PDZRN3: variants seen among roughly 807,000 people sequenced by gnomAD.
PDZRN3 encodes the protein PDZ domain containing ring finger 3.
A neutral mutation model predicts 85.7 loss-of-function variants in PDZRN3; 38 were observed. The observed-to-expected ratio is 0.44, with a 90% CI of 0.34 to 0.58. The LOEUF (loss-of-function observed/expected upper bound fraction) is 0.58, where lower values mean the gene tolerates loss of function less well. Ranked by LOEUF, PDZRN3 falls within the 20% of genes least tolerant of loss-of-function variation. The pLI is 0.01. For synonymous variants in PDZRN3, 759 were observed against 638.0 expected (o/e 1.19, Z -2.86); for missense variants, 1,629 against 1,506.4 (o/e 1.08, Z -1.35).
At chr3:73,513,743 A>G (rs758940345) in intron 3 of PDZRN3, among the ~76,000 whole-genome samples, 10 of 152,192 alleles carry the variant, frequency 6.6e-5, no homozygotes, top group Non-Finnish European at 1.2e-4. Context: ...TTACTCTCCC[A>G]CTAGACTAAA....
chr3:73,557,755 T>C (rs1701732828), intron 3 of PDZRN3, among the ~76,000 whole-genome samples: 2 of 152,218 alleles, frequency 1.3e-5, no homozygotes, highest in South Asian at 2.1e-4. Flanking sequence ...TATGTTGTTA[T>C]GATTCAAAAG....
chr3:73,408,299 A>G (rs747581673), intron 3 of PDZRN3: 2 of 688,954 alleles, frequency 2.9e-6, no homozygotes, highest in Non-Finnish European at 5.3e-6. Flanking sequence ...TTAGGGTAAT[A>G]TAAAGTTTAG....
chr3:73,551,892 T>C (rs747723398), intron 3 of PDZRN3, among the ~76,000 whole-genome samples: 2 of 152,158 alleles, frequency 1.3e-5, no homozygotes, highest in Admixed American at 1.3e-4. Flanking sequence ...GCCATTATCC[T>C]TCCCCTGTTG....
intron 3 of PDZRN3, among the ~76,000 whole-genome samples, chr3:73,471,113 G>A (rs548297061): frequency 4.6e-5 from 7 of 152,044 alleles, no homozygotes; most frequent in Admixed American, 6.5e-5. Flanking sequence ...GGTCATTAAG[G>A]GTTGGCCCTA....
At chr3:73,494,061 G>C (rs946450563) in intron 3 of PDZRN3, among the ~76,000 whole-genome samples, 6 of 152,146 alleles carry the variant, frequency 3.9e-5, no homozygotes, top group African/African-American at 1.4e-4. Flanking sequence ...CATTGCTTTA[G>C]CCAATGAATT....
At chr3:73,592,557 G>A (rs1020514652) in intron 3 of PDZRN3, among the ~76,000 whole-genome samples, 3 of 152,112 alleles carry the variant, frequency 2.0e-5, no homozygotes, top group South Asian at 4.1e-4. Context: ...AAAGGGGTGA[G>A]ACCCAGTTTC....
At chr3:73,466,837 T>C (rs1248065824) in intron 3 of PDZRN3, among the ~76,000 whole-genome samples, 3 of 152,154 alleles carry the variant, frequency 2.0e-5, no homozygotes, top group East Asian at 3.9e-4. Flanking sequence ...TTCTGGAACA[T>C]AAAACACTAG....
intron 8 of PDZRN3, among the ~76,000 whole-genome samples, chr3:73,386,102 T>C (rs1000530056): frequency 8.5e-5 from 13 of 152,128 alleles, no homozygotes; most frequent in Non-Finnish European, 5.9e-5. Context: ...CAGGTAGATT[T>C]AGCTGGTCCA....
intron 1 of PDZRN3, among the ~76,000 whole-genome samples, chr3:73,618,455 T>C (rs1400156345): frequency 1.3e-5 from 2 of 152,208 alleles, no homozygotes; most frequent in African/African-American, 4.8e-5. Flanking sequence ...ATCTAACTTC[T>C]AGCCTTAATC....
At chr3:73,403,788 T>A (rs1357908972) in intron 4 of PDZRN3, among the ~76,000 whole-genome samples, 2 of 152,186 alleles carry the variant, frequency 1.3e-5, no homozygotes, top group Non-Finnish European at 2.9e-5. Flanking sequence ...ACACACAACT[T>A]ACTTTTTTGT....
chr3:73,564,681 C>A (rs186422517), intron 3 of PDZRN3, among the ~76,000 whole-genome samples: 58 of 152,274 alleles, frequency 3.8e-4, no homozygotes, highest in African/African-American at 3.9e-4. Context: ...TAAATACTAT[C>A]CTTTCCCTCC....
At chr3:73,586,707 C>T (rs577759689) in intron 3 of PDZRN3, among the ~76,000 whole-genome samples, 8 of 152,310 alleles carry the variant, frequency 5.3e-5, no homozygotes, top group East Asian at 1.9e-4. Flanking sequence ...GCAATCACCA[C>T]ACATGCCACA....
intron 3 of PDZRN3, among the ~76,000 whole-genome samples, chr3:73,512,413 G>A (rs1007488650): frequency 3.9e-5 from 6 of 152,138 alleles, no homozygotes; most frequent in Non-Finnish European, 8.8e-5. Flanking sequence ...AAACGTACAC[G>A]CTACTAGGCA....
In PDZRN3 at chr3:73,424,286, C is replaced by A. The variant is rs779184284; in HGVS notation, c.919-19891G>T. Among the ~76,000 whole-genome samples, 3 of 144,874 alleles carry A rather than the reference C, an allele frequency of 2.1e-5. 1 individual carries two copies. In the Admixed American group the frequency reaches 2.2e-4, roughly 11 times the overall value. ...GTGGCTCACGCCTGTAATCCCAGCA[C>A]TTTGGGAGGCCAAGGCAGGTGGATC... On this transcript the variant is annotated intron_variant, in intron 3 of 9. Coordinates refer to ENST00000263666, the MANE Select transcript of PDZRN3 (RefSeq NM_015009.3).
chr3:73,524,275 T>C (rs1704467192), intron 3 of PDZRN3, among the ~76,000 whole-genome samples: 1 of 152,234 alleles, frequency 6.6e-6, no homozygotes, highest in African/African-American at 2.4e-5. Context: ...TGAGGCTTAA[T>C]TTATGTAAAG....
At chr3:73,549,825 T>A (rs1701510266) in intron 3 of PDZRN3, among the ~76,000 whole-genome samples, 1 of 152,226 alleles carries the variant, frequency 6.6e-6, no homozygotes, top group African/African-American at 2.4e-5. Flanking sequence ...ATTATTCACA[T>A]CTTAAGCTAC....
At chr3:73,430,427 AT>A (rs1211458667) in intron 3 of PDZRN3, among the ~76,000 whole-genome samples, 1 of 152,212 alleles carries the variant, frequency 6.6e-6, no homozygotes, top group Non-Finnish European at 1.5e-5. Flanking sequence ...GCCTCATCAA[AT>A]TAGAAAAGGT....
intron 3 of PDZRN3, among the ~76,000 whole-genome samples, chr3:73,478,964 G>C (rs147365604): frequency 6.6e-6 from 1 of 152,176 alleles, no homozygotes; most frequent in Admixed American, 6.5e-5. Context: ...CAGAAACTTA[G>C]GTTCTATGTG....
rs1453496652 is a variant in PDZRN3, at chr3:73,573,838, T to C, written c.918+28516A>G. Among the ~76,000 whole-genome samples the C allele has an allele frequency of 1.3e-4, 9 of 70,272 alleles. No homozygotes were observed. The South Asian group carries it at 2.8e-3, about 22-fold the overall frequency. The allele number at this position is 70,272 out of a possible 152,430, so 46.1% of individuals were successfully genotyped here. A position where few individuals can be genotyped will look rare whatever the true frequency, so the allele number is the denominator to read the frequency against. On this transcript the variant is annotated intron_variant, in intron 3 of 9. Transcript: ENST00000263666. ...ATACATATACATATACATATACATA[T>C]ACATATACATATACGGTCCTTACCA...
Sources: gnomAD v4.1 joint callset for allele counts (sites outside exome capture counted in the v4.1 genomes callset) on GRCh38, gnomAD v4.1.1 for gene constraint, MANE v1.5 for transcripts, NCBI Gene and HGNC (gene_info 2026-07-23, HGNC 2026-07-21) for gene names.